Variants in ABCC4 observed in about 807,000 individuals in gnomAD.
ABCC4 encodes the protein ATP-binding cassette sub-family C member 4.
ABCC4 carries 102 observed loss-of-function variants against 168.5 expected under a neutral mutation model. The ratio of observed to expected loss-of-function variants is 0.61; its 90% CI spans 0.52 to 0.71. The LOEUF (loss-of-function observed/expected upper bound fraction) is 0.71. Ranked by LOEUF, ABCC4 falls within the 30% of genes least tolerant of loss-of-function variation. The pLI is 0.00. For synonymous variants in ABCC4, 617 were observed against 590.7 expected, an observed-to-expected ratio of 1.04 and a Z score of -0.65; for missense variants, 1,402 against 1,605.8, an observed-to-expected ratio of 0.87 and a Z score of 2.17.
intron 28 of ABCC4, 95 bp downstream of exon 28, chr13:95,044,171 C>T (rs2032478869): frequency 2.4e-6 from 3 of 1,230,900 alleles, no homozygotes; most frequent in East Asian, 2.6e-5. Flanking sequence ...CTGGGGCAAA[C>T]AGAGCACTTA....
chr13:95,073,060 T>G lies in ABCC4; in HGVS notation c.3018+144A>C, dbSNP rs1265353539. ...TATATATTTTATTTTACATTAACTTTAAACAGATGGAGGAAGGATCTTAAA... is the reference window on the plus strand; with the variant it reads ...TATATATTTTATTTTACATTAACTTGAAACAGATGGAGGAAGGATCTTAAA... On this transcript the variant is annotated intron_variant, in intron 24 of 30. Coordinates refer to ENST00000645237, the MANE Select transcript of ABCC4 (RefSeq NM_005845.5). The G allele has an allele frequency of 5.1e-6, 3 of 592,128 alleles. No individual in the cohort carries two copies. In the East Asian group the frequency reaches 9.2e-5, roughly 18 times the overall value. The allele number at this position is 592,128 out of a possible 1,614,324, so 36.7% of individuals were successfully genotyped here. A position where few individuals can be genotyped will look rare whatever the true frequency, so the allele number is the denominator to read the frequency against.
chr13:95,083,908 T>C (rs1255637841), intron 20 of ABCC4, among the ~76,000 whole-genome samples: 3 of 152,152 alleles, frequency 2.0e-5, no homozygotes, highest in Non-Finnish European at 4.4e-5. Flanking sequence ...AACTGAGATT[T>C]AGAGTAGGAC....
At chr13:95,285,913 T>C (rs982252739) in intron 1 of ABCC4, among the ~76,000 whole-genome samples, 1 of 152,088 alleles carries the variant, frequency 6.6e-6, no homozygotes, top group Non-Finnish European at 1.5e-5. Flanking sequence ...GAATCTGGAA[T>C]CATTGCGTGC....
At chr13:95,092,041 C>A (rs1184846648) in intron 20 of ABCC4, among the ~76,000 whole-genome samples, 2 of 152,088 alleles carry the variant, frequency 1.3e-5, no homozygotes, top group African/African-American at 2.4e-5. Context: ...AACTTTAAAG[C>A]AACAGCAGTT....
At chr13:95,202,366 C>A (rs2038651875) in intron 8 of ABCC4, among the ~76,000 whole-genome samples, 1 of 152,178 alleles carries the variant, frequency 6.6e-6, no homozygotes, top group African/African-American at 2.4e-5. Flanking sequence ...CACGTGGGCC[C>A]TATCAGTTCT....
chr13:95,116,401 A>C (rs1330091123), intron 19 of ABCC4, among the ~76,000 whole-genome samples: 1 of 152,190 alleles, frequency 6.6e-6, no homozygotes, highest in Non-Finnish European at 1.5e-5. Flanking sequence ...GCTTTATCAG[A>C]ATTTCTTTTG....
chr13:95,034,467 C>T, intron 30 of ABCC4, 138 bp downstream of exon 30: 1 of 1,281,100 alleles, frequency 7.8e-7, no homozygotes. Flanking sequence ...GCCGTTAAGA[C>T]CCACTCATGA....
At chr13:95,187,015 C>T (rs2038086820) in intron 10 of ABCC4, 123 bp from the exon 11 acceptor site, 1 of 774,304 alleles carries the variant, frequency 1.3e-6, no homozygotes, top group Non-Finnish European at 1.9e-6. Context: ...TAAAAGAGCA[C>T]AGGAAGTTGT....
intron 1 of ABCC4, among the ~76,000 whole-genome samples, chr13:95,278,630 AC>A (rs2041031565): frequency 6.6e-6 from 1 of 151,930 alleles, no homozygotes; most frequent in South Asian, 2.1e-4. Flanking sequence ...CCCTGCCTCT[AC>A]AAAACAAAAA....
chr13:95,189,327 G>A (rs184430841), intron 9 of ABCC4, among the ~76,000 whole-genome samples: 5 of 150,924 alleles, frequency 3.3e-5, no homozygotes, highest in African/African-American at 9.7e-5. Flanking sequence ...TAGAGACGGG[G>A]TTTCACCGTG....
chr13:95,037,339 A>C (rs933620533), intron 29 of ABCC4, among the ~76,000 whole-genome samples: 1 of 152,234 alleles, frequency 6.6e-6, no homozygotes, highest in Non-Finnish European at 1.5e-5. Flanking sequence ...CAGTCATCCC[A>C]GAAAACTCCC....
intron 3 of ABCC4, among the ~76,000 whole-genome samples, chr13:95,245,958 A>C (rs775192613): frequency 2.1e-5 from 3 of 145,232 alleles, no homozygotes; most frequent in Non-Finnish European, 4.5e-5. Flanking sequence ...TTGTAACAAC[A>C]GCAACATCCA....
At chr13:95,245,738 C>T (rs1409140860) in intron 3 of ABCC4, among the ~76,000 whole-genome samples, 2 of 152,100 alleles carry the variant, frequency 1.3e-5, no homozygotes, top group Admixed American at 1.3e-4. Flanking sequence ...CTCCCAGGAC[C>T]GTCCAGTCCC....
intron 25 of ABCC4, among the ~76,000 whole-genome samples, chr13:95,069,099 T>G (rs1478340302): frequency 6.6e-6 from 1 of 152,208 alleles, no homozygotes; most frequent in African/African-American, 2.4e-5. Flanking sequence ...ATTCATTCAA[T>G]TGTGACTATA....
intron 20 of ABCC4, among the ~76,000 whole-genome samples, chr13:95,088,867 A>C (rs1240048973): frequency 6.6e-6 from 1 of 151,978 alleles, no homozygotes; most frequent in Admixed American, 6.6e-5. Context: ...AAAATGATTA[A>C]ATAGAAAACT....
chr13:95,216,276 T>C lies in ABCC4; in HGVS notation c.532-5495A>G, dbSNP rs74384074. Among the ~76,000 whole-genome samples the C allele has an allele frequency of 3.3e-5, 5 of 152,296 alleles. No individual in the cohort carries two copies. In the East Asian group the frequency reaches 9.6e-4, roughly 29 times the overall value. On this transcript the variant is annotated intron_variant, in intron 4 of 30. Coordinates refer to ENST00000645237, the MANE Select transcript of ABCC4 (RefSeq NM_005845.5). Reference sequence around the variant, plus strand: ...GTTTGGTTCCAATAAAGTGTCCATGTTATAGTTTAAAAGAGTTCACATCCA... The same window carrying C: ...GTTTGGTTCCAATAAAGTGTCCATGCTATAGTTTAAAAGAGTTCACATCCA...
At chr13:95,143,848 A>G (rs1594174391) in intron 19 of ABCC4, among the ~76,000 whole-genome samples, 1 of 152,366 alleles carries the variant, frequency 6.6e-6, no homozygotes, top group Non-Finnish European at 1.5e-5. Context: ...TTGCAGAAGC[A>G]GTAACATTTA....
At chr13:95,222,795 G>A (rs2039343903) in intron 4 of ABCC4, among the ~76,000 whole-genome samples, 1 of 152,122 alleles carries the variant, frequency 6.6e-6, no homozygotes, top group African/African-American at 2.4e-5. Flanking sequence ...TTCTCAAACA[G>A]GGCAATTTTG....
At chr13:95,204,399 T>A (rs2038721808) in intron 8 of ABCC4, among the ~76,000 whole-genome samples, 1 of 152,038 alleles carries the variant, frequency 6.6e-6, no homozygotes, top group South Asian at 2.1e-4. Flanking sequence ...AATCCTCACG[T>A]GTCAAGGGTG....
Sources: gnomAD v4.1 joint callset for allele counts (sites outside exome capture counted in the v4.1 genomes callset) on GRCh38, gnomAD v4.1.1 for gene constraint, MANE v1.5 for transcripts, NCBI Gene and HGNC (gene_info 2026-07-23, HGNC 2026-07-21) for gene names.